RPS6KA2: variants seen among roughly 807,000 people sequenced by gnomAD.
The protein encoded by RPS6KA2 is ribosomal protein S6 kinase A2, also known as ribosomal protein S6 kinase alpha-2.
Under a neutral mutation model 91.8 loss-of-function variants are expected in RPS6KA2, and 42 were observed. That is an observed-to-expected ratio of 0.46 (90% confidence interval 0.36 to 0.59). The LOEUF is 0.59. RPS6KA2 is among the 20% of genes least tolerant of loss of function. The pLI is 0.00. For missense variants in RPS6KA2, 798 were observed against 978.5 expected (o/e 0.82, Z 2.46); for synonymous variants, 414 against 393.6 (o/e 1.05, Z -0.61).
intron 1 of RPS6KA2, among the ~76,000 whole-genome samples, chr6:166,618,085 C>T (rs1249484276): frequency 6.6e-6 from 1 of 152,238 alleles, no homozygotes; most frequent in African/African-American, 2.4e-5. Flanking sequence ...ATTCAGGACA[C>T]TTCTTAAAAC....
chr6:166,815,006 T>G (rs968888603), intron 2 of RPS6KA2, among the ~76,000 whole-genome samples: 1 of 152,198 alleles, frequency 6.6e-6, no homozygotes. Flanking sequence ...TCCACAAAAT[T>G]TGTCCCTGGT....
intron 12 of RPS6KA2, among the ~76,000 whole-genome samples, chr6:166,451,674 C>T (rs1394169884): frequency 6.6e-6 from 1 of 152,216 alleles, no homozygotes; most frequent in Non-Finnish European, 1.5e-5. Flanking sequence ...CTAGGTTCGA[C>T]AGGTCCCACC....
rs150702290 is a variant in RPS6KA2 at position 166,565,777 on chromosome 6, C to T, written c.100-26993G>A. Among the ~76,000 whole-genome samples the T allele has an allele frequency of 4.3e-3, 662 of 152,268 alleles. 5 individuals are homozygous for T. The highest frequency in any genetic ancestry group is 0.015 in the African/African-American group (630 of 41,546). ...GGTGCTCCTGTGTGGGCCAACAGGA[C>T]GGCCGATGGCCTGGAAGACAGTGTG... On this transcript the variant is annotated intron_variant, in intron 1 of 20. Coordinates refer to ENST00000265678, the MANE Select transcript of RPS6KA2 (RefSeq NM_021135.6).
At chr6:166,684,415 A>AG (rs754320948) in intron 2 of RPS6KA2, among the ~76,000 whole-genome samples, 5 of 152,230 alleles carry the variant, frequency 3.3e-5, no homozygotes, top group African/African-American at 4.8e-5. Context: ...TCTGCCTAGC[A>AG]GGTAACTCTG....
intron 1 of RPS6KA2, among the ~76,000 whole-genome samples, chr6:166,553,310 A>G (rs1286303781): frequency 6.6e-6 from 1 of 151,950 alleles, no homozygotes; most frequent in East Asian, 1.9e-4. Flanking sequence ...TTTTGTAGAG[A>G]TGGTGGTCTC....
At chr6:166,740,112 G>T (rs1790770490) in intron 2 of RPS6KA2, among the ~76,000 whole-genome samples, 1 of 152,212 alleles carries the variant, frequency 6.6e-6, no homozygotes, top group South Asian at 2.1e-4. Flanking sequence ...GCTCTTCGTG[G>T]CTTCTTGCCC....
intron 2 of RPS6KA2, among the ~76,000 whole-genome samples, chr6:166,684,989 C>A (rs1788961403): frequency 6.6e-6 from 1 of 152,246 alleles, no homozygotes; most frequent in Non-Finnish European, 1.5e-5. Flanking sequence ...AGCCACACTG[C>A]AGGGAGGCCC....
chr6:166,578,280 G>T (rs1379253463), intron 1 of RPS6KA2, among the ~76,000 whole-genome samples: 1 of 152,174 alleles, frequency 6.6e-6, no homozygotes, highest in Non-Finnish European at 1.5e-5. Flanking sequence ...CTGGACTGGG[G>T]GCTGTCCTGC....
chr6:166,413,680 G>A (rs1252928090), intron 20 of RPS6KA2, 114 bp downstream of exon 20: 34 of 1,130,384 alleles, frequency 3.0e-5, no homozygotes. Context: ...GTTTGGGGCT[G>A]CTATGGGCTC....
intron 2 of RPS6KA2, among the ~76,000 whole-genome samples, chr6:166,636,824 T>C (rs1787255926): frequency 6.6e-6 from 1 of 152,158 alleles, no homozygotes; most frequent in Non-Finnish European, 1.5e-5. Flanking sequence ...TCAGGATTGA[T>C]CATTTGAAAG....
chr6:166,748,262 G>A (rs917016003), intron 2 of RPS6KA2, among the ~76,000 whole-genome samples: 7 of 152,122 alleles, frequency 4.6e-5, no homozygotes, highest in Non-Finnish European at 7.4e-5. Flanking sequence ...GAGGGAGTGC[G>A]GGCCAGGCTT....
intron 16 of RPS6KA2, among the ~76,000 whole-genome samples, chr6:166,429,635 G>C (rs1370503405): frequency 6.6e-6 from 1 of 151,946 alleles, no homozygotes; most frequent in African/African-American, 2.4e-5. Context: ...ATTTTCAGTA[G>C]AGATGGGGTT....
chr6:166,461,857 C>A (rs555501231), intron 11 of RPS6KA2, among the ~76,000 whole-genome samples: 154 of 148,080 alleles, frequency 1.0e-3, no homozygotes, highest in Non-Finnish European at 1.8e-3. Context: ...TTGCCCACCC[C>A]TGCCCCTGCC....
chr6:166,529,742 AC>A (rs1783199785), intron 3 of RPS6KA2, among the ~76,000 whole-genome samples: 1 of 152,222 alleles, frequency 6.6e-6, no homozygotes, highest in Non-Finnish European at 1.5e-5. Flanking sequence ...CCTTGTTTCT[AC>A]AAGATGATGA....
chr6:166,643,891 C>T (rs975295205), intron 2 of RPS6KA2, among the ~76,000 whole-genome samples: 2 of 152,202 alleles, frequency 1.3e-5, no homozygotes, highest in Non-Finnish European at 2.9e-5. Context: ...TTTTATTAGA[C>T]TGTAAACCCT....
rs528269056 is a variant in RPS6KA2, at chr6:166,418,498, C to G, written c.1821-156G>C. The stretch of plus-strand genomic sequence containing the variant: ...AGGATTCATGGGAAAGCGGAACTTA[C>G]CTCTAACACTATGCCCGTTTTCCTT... On this transcript the variant is annotated intron_variant, in intron 18 of 20. Transcript: ENST00000265678. This position sits in a 1 kb window ranked among gnomAD's most constrained non-coding sequence, Gnocchi z 4.9. Among the ~76,000 whole-genome samples, 77 of 152,350 alleles carry G rather than the reference C, an allele frequency of 5.1e-4. 1 individual carries two copies. The highest frequency in any genetic ancestry group is 6.8e-3 in the Middle Eastern group (2 of 294).
At chr6:166,824,367 C>G (rs1003770759) in intron 2 of RPS6KA2, among the ~76,000 whole-genome samples, 1 of 152,228 alleles carries the variant, frequency 6.6e-6, no homozygotes, top group Non-Finnish European at 1.5e-5. Flanking sequence ...GCCTGTCCCC[C>G]TGGTGCCCGG....
intron 2 of RPS6KA2, among the ~76,000 whole-genome samples, chr6:166,708,747 A>G (rs1390428423): frequency 1.3e-5 from 2 of 152,238 alleles, no homozygotes; most frequent in South Asian, 2.1e-4. Flanking sequence ...AACTTTCTCT[A>G]AAGTTTTACC....
intron 2 of RPS6KA2, among the ~76,000 whole-genome samples, chr6:166,791,519 T>C (rs1026465090): frequency 2.5e-4 from 38 of 152,124 alleles, no homozygotes; most frequent in African/African-American, 8.9e-4. Flanking sequence ...GCGGACCTAA[T>C]AGACATCTAC....
Sources: allele counts gnomAD v4.1 joint callset (sites outside exome capture counted in the v4.1 genomes callset), GRCh38; gene constraint gnomAD v4.1.1; non-coding constraint Gnocchi (gnomAD v3.1); transcripts MANE v1.5; gene names NCBI Gene and HGNC (gene_info 2026-07-23, HGNC 2026-07-21).